PIP5K1A: variants seen among roughly 807,000 people sequenced by gnomAD.
The protein encoded by PIP5K1A is phosphatidylinositol-4-phosphate 5-kinase type 1 alpha, also known as phosphatidylinositol 4-phosphate 5-kinase type-1 alpha.
In PIP5K1A, 46 loss-of-function variants were observed where a neutral mutation model predicts 72.9. That is an observed-to-expected ratio of 0.63 (90% CI 0.50 to 0.81). PIP5K1A has a LOEUF of 0.81. Among genes scored for constraint, PIP5K1A ranks in the 30% least tolerant of loss-of-function variants. The pLI, the probability that PIP5K1A is intolerant of heterozygous loss-of-function variation, is 0.00. For synonymous variants in PIP5K1A, 228 were observed against 255.1 expected (o/e 0.89, Z 1.01); for missense variants, 458 against 706.1 (o/e 0.65, Z 3.98).
chr1:151,236,334 G>A (rs587751078), intron 8 of PIP5K1A, among the ~76,000 whole-genome samples: 61 of 151,854 alleles, frequency 4.0e-4, no homozygotes, highest in African/African-American at 1.4e-3. Context: ...AAATTAGGCA[G>A]GTGTAGTGGT....
rs1166490481 is a variant in PIP5K1A at position 151,232,350 on chromosome 1, G to A, written c.471G>A (p.Arg157=). 1 of 1,612,440 alleles carries A rather than the reference G, an allele frequency of 6.2e-7. No homozygotes were observed. The highest frequency in any genetic ancestry group is 1.3e-5 in the African/African-American group (1 of 74,980). ...FRYFRELFGI[R]PDDYLYSLCS... is the part of the protein sequence containing the mutation. The stretch of plus-strand genomic sequence containing the variant: ...ACTTCCGGGAGCTATTTGGTATCCG[G>A]CCCGATGATTACTTGGTAAGCATCT... The change falls in exon 6 of 16, where the codon CGG becomes CGA. Residue 157 remains arginine, a synonymous_variant. Coordinates refer to ENST00000368888, the MANE Select transcript of PIP5K1A (RefSeq NM_001135638.2).
rs1024530435 is a variant in PIP5K1A at position 151,223,905 on chromosome 1, T to C, written c.86-340T>C. On this transcript the variant is annotated intron_variant, in intron 1 of 15. Coordinates refer to ENST00000368888, the MANE Select transcript of PIP5K1A (RefSeq NM_001135638.2). ...TCAGGAGGCTGAGCAGGAGAATCAC[T>C]TGCAGTGAGCTGAGGTCATGCCACT... is the stretch of plus-strand genomic sequence containing the variant. The C allele has an allele frequency of 6.1e-5, 16 of 261,792 alleles. No individual in the cohort carries two copies. In the East Asian group the frequency reaches 1.4e-3, roughly 22 times the overall value. 16.2% of individuals were successfully genotyped at this position (261,792 alleles called of 1,614,324 possible).
At chr1:151,210,180 G>A (rs776336871) in intron 1 of PIP5K1A, among the ~76,000 whole-genome samples, 8 of 145,990 alleles carry the variant, frequency 5.5e-5, no homozygotes, top group East Asian at 4.2e-4. Context: ...CACTGCGCCC[G>A]CCCTCCCCGG....
chr1:151,208,265 A>G (rs1014850256), intron 1 of PIP5K1A, among the ~76,000 whole-genome samples: 3 of 151,980 alleles, frequency 2.0e-5, no homozygotes, highest in Non-Finnish European at 4.4e-5. Flanking sequence ...ACATCCTTGC[A>G]CTTCTGACTG....
At chr1:151,202,245 T>G (rs1685307447) in intron 1 of PIP5K1A, among the ~76,000 whole-genome samples, 1 of 152,184 alleles carries the variant, frequency 6.6e-6, no homozygotes. Context: ...ACATTGTCCT[T>G]TAGGATTTCA....
At chr1:151,200,250 A>G (rs1434616075) in intron 1 of PIP5K1A, among the ~76,000 whole-genome samples, 2 of 152,016 alleles carry the variant, frequency 1.3e-5, no homozygotes, top group Non-Finnish European at 2.9e-5. Context: ...GACTGGAAGA[A>G]TGCTTACGCT....
Position 151,198,600 on chromosome 1 carries a change from A to G in PIP5K1A, c.-397A>G, listed in dbSNP as rs997169392. On this transcript the variant is annotated 5_prime_UTR_variant, in exon 1 of 16. Transcript: ENST00000368888. ...GTGAAGCGGCCGGGTTGGGCGATTAACAGGCCGTGGTTAGGAAGGACGGAG... is the reference window on the plus strand; with the variant it reads ...GTGAAGCGGCCGGGTTGGGCGATTAGCAGGCCGTGGTTAGGAAGGACGGAG... 53 of 212,104 alleles carry G rather than the reference A, an allele frequency of 2.5e-4. No homozygotes were observed. Among genetic ancestry groups the G allele is most frequent in the African/African-American group, 1.1e-3 (48 of 43,192 alleles). 13.1% of individuals were successfully genotyped at this position (212,104 alleles called of 1,614,324 possible).
upstream of PIP5K1A, among the ~76,000 whole-genome samples, chr1:151,197,295 TTTTGA>T (rs1489856446): frequency 1.3e-5 from 2 of 151,894 alleles, no homozygotes; most frequent in Admixed American, 6.6e-5. Context: ...TTTTGTTTTG[TTTTGA>T]GACAGTTTCG....
In PIP5K1A at chr1:151,198,842, C is replaced by T. The variant is rs1021393788; in HGVS notation, c.-155C>T. Reference sequence around the variant, plus strand: ...TGTGGCCTTGAGCTGGTCCAGGAGCCGGCTCGACGTGTCTGAGGGAGGCCC... The same window carrying T: ...TGTGGCCTTGAGCTGGTCCAGGAGCTGGCTCGACGTGTCTGAGGGAGGCCC... On this transcript the variant is annotated 5_prime_UTR_variant, in exon 1 of 16. Coordinates refer to ENST00000368888, the MANE Select transcript of PIP5K1A (RefSeq NM_001135638.2). The T allele has an allele frequency of 2.8e-5, 20 of 719,858 alleles. No homozygotes were observed. Among genetic ancestry groups the T allele is most frequent in the East Asian group, 2.2e-4 (9 of 40,846 alleles). 44.6% of individuals were successfully genotyped at this position (719,858 alleles called of 1,614,324 possible).
chr1:151,207,767 T>A (rs1686143288), intron 1 of PIP5K1A, among the ~76,000 whole-genome samples: 3 of 151,396 alleles, frequency 2.0e-5, no homozygotes, highest in African/African-American at 7.3e-5. Context: ...CCTGACCTCG[T>A]GATCTGCCTG....
chr1:151,202,412 C>A (rs1321612118), intron 1 of PIP5K1A, among the ~76,000 whole-genome samples: 3 of 152,210 alleles, frequency 2.0e-5, no homozygotes, highest in African/African-American at 7.2e-5. Context: ...TTCCTGCCAA[C>A]TTCCTAATTC....
chr1:151,209,595 A>G (rs1223249834), intron 1 of PIP5K1A, among the ~76,000 whole-genome samples: 3 of 152,042 alleles, frequency 2.0e-5, no homozygotes, highest in Non-Finnish European at 2.9e-5. Context: ...ATGCGCCACC[A>G]TACCTGGCTA....
chr1:151,239,945 T>G lies in PIP5K1A; in HGVS notation c.1279-10T>G. 1 of 1,607,982 alleles carries G rather than the reference T, an allele frequency of 6.2e-7. No homozygotes were observed. The highest frequency in any genetic ancestry group is 2.2e-5 in the East Asian group (1 of 44,786). ...CCTCCTAACTCTATAGCATTTCTTC[T>G]GCTCTGCAGGACACTGTCTCAGTGC... On this transcript the variant is annotated splice_polypyrimidine_tract_variant and intron_variant, in intron 11 of 15. Coordinates refer to ENST00000368888, the MANE Select transcript of PIP5K1A (RefSeq NM_001135638.2).
intron 7 of PIP5K1A, 99 bp from the exon 8 acceptor site, chr1:151,234,098 T>G: frequency 1.2e-6 from 1 of 809,604 alleles, no homozygotes; most frequent in Non-Finnish European, 2.0e-6. Context: ...AAATCTCATA[T>G]AGGAGATAAA....
chr1:151,225,210 C>T (rs1456853045), intron 3 of PIP5K1A, among the ~76,000 whole-genome samples: 2 of 152,070 alleles, frequency 1.3e-5, no homozygotes, highest in African/African-American at 4.8e-5. Flanking sequence ...ACCATAGTCC[C>T]AGCTACTCGG....
chr1:151,208,778 G>C (rs1183417535), intron 1 of PIP5K1A, among the ~76,000 whole-genome samples: 2 of 127,442 alleles, frequency 1.6e-5, no homozygotes, highest in Admixed American at 1.0e-4. Flanking sequence ...TGTTGCCCAG[G>C]CTGGGGTGCA....
chr1:151,242,042 T>C, intron 12 of PIP5K1A, 81 bp from the exon 13 acceptor site: 2 of 1,426,022 alleles, frequency 1.4e-6, no homozygotes, highest in Non-Finnish European at 2.0e-6. Context: ...GTGTTGGGGA[T>C]ACTAGCAATT....
At chr1:151,207,781 C>G (rs1047275663) in intron 1 of PIP5K1A, among the ~76,000 whole-genome samples, 3 of 151,496 alleles carry the variant, frequency 2.0e-5, no homozygotes, top group African/African-American at 7.3e-5. Context: ...CTGCCTGCAT[C>G]GGCCTCCCAA....
At chr1:151,219,641 C>T in intron 1 of PIP5K1A, among the ~76,000 whole-genome samples, 1 of 151,828 alleles carries the variant, frequency 6.6e-6, no homozygotes, top group East Asian at 1.9e-4. Context: ...TTGCGGTGAT[C>T]CGAGATTGTA....
Sources: gnomAD v4.1 joint callset for allele counts (sites outside exome capture counted in the v4.1 genomes callset) on GRCh38, gnomAD v4.1.1 for gene constraint, MANE v1.5 for transcripts, NCBI Gene and HGNC (gene_info 2026-07-23, HGNC 2026-07-21) for gene names.